The following CNNM1 variants were observed in gnomAD, a reference collection of about 807,000 sequenced individuals.
The protein encoded by CNNM1 is metal transporter CNNM1.
CNNM1 carries 44 observed loss-of-function variants against 78.8 expected under a neutral mutation model. The observed-to-expected ratio is 0.56, with a 90% CI of 0.44 to 0.72. The LOEUF is 0.72. Ranked by LOEUF, CNNM1 falls within the 30% of genes least tolerant of loss-of-function variation. The pLI, the probability that CNNM1 is intolerant of heterozygous loss-of-function variation, is 0.00. For missense variants in CNNM1, 1,101 were observed against 1,292.2 expected (o/e 0.85, Z 2.27); for synonymous variants, 584 against 581.5 (o/e 1.00, Z -0.06).
intron 1 of CNNM1, 74 bp downstream of exon 1, chr10:99,331,034 C>T (rs914354076): frequency 2.1e-6 from 3 of 1,413,600 alleles, no homozygotes; most frequent in African/African-American, 2.9e-5. Context: ...CCACGTGAGG[C>T]TCTAGGTACC....
chr10:99,381,674 G>A lies in CNNM1; in HGVS notation c.2340+4456G>A, dbSNP rs1375639764. On this transcript the variant is annotated intron_variant, in intron 7 of 10. Coordinates refer to ENST00000356713, the MANE Select transcript of CNNM1 (RefSeq NM_020348.3). ...GGAGAATTGCTTGAACCCAGGAGGC[G>A]GAGGTTGCGGTGAGCCGAGATCGGC... 4.0e-5 allele frequency among the ~76,000 whole-genome samples: 6 copies of A among 151,676 alleles called. No individual in the cohort carries two copies. In the East Asian group the frequency reaches 5.8e-4, roughly 15 times the overall value.
At chr10:99,386,905 G>A (rs2032323664) in intron 7 of CNNM1, among the ~76,000 whole-genome samples, 1 of 152,226 alleles carries the variant, frequency 6.6e-6, no homozygotes, top group South Asian at 2.1e-4. Flanking sequence ...TGCAGTGAAG[G>A]AGGGATGAAA....
chr10:99,334,606 G>A (rs1214951656), intron 1 of CNNM1, among the ~76,000 whole-genome samples: 6 of 152,070 alleles, frequency 3.9e-5, no homozygotes, highest in African/African-American at 1.2e-4. Context: ...AGCTGAGATC[G>A]CACCACTGTA....
intron 1 of CNNM1, among the ~76,000 whole-genome samples, chr10:99,334,913 A>G (rs1336029638): frequency 6.6e-6 from 1 of 152,214 alleles, no homozygotes; most frequent in Non-Finnish European, 1.5e-5. Context: ...TTACAGATGA[A>G]GAAACTAAAG....
chr10:99,389,934 A>C (rs2032422559), intron 9 of CNNM1, among the ~76,000 whole-genome samples: 1 of 152,140 alleles, frequency 6.6e-6, no homozygotes, highest in Non-Finnish European at 1.5e-5. Flanking sequence ...AAATATACCA[A>C]GGAGACCTCC....
intron 6 of CNNM1, among the ~76,000 whole-genome samples, chr10:99,373,437 G>A (rs1194582150): frequency 6.6e-6 from 1 of 152,190 alleles, no homozygotes; most frequent in East Asian, 1.9e-4. Context: ...CTACTTTTGG[G>A]CAGGACTCTC....
intron 1 of CNNM1, among the ~76,000 whole-genome samples, chr10:99,356,508 G>A (rs56200105): frequency 4.7e-5 from 6 of 126,408 alleles, no homozygotes; most frequent in Non-Finnish European, 1.7e-5. Flanking sequence ...GAGAGAGAGA[G>A]AGAAAGAGAA....
rs781664354 is a variant in CNNM1, at chr10:99,330,319, G to C, written c.932G>C (p.Gly311Ala). The change falls in exon 1 of 11, where the codon GGC (glycine) becomes GCC (alanine). Residue 311 changes from glycine (G) to alanine (A), a missense_variant. Gly to Ala is a moderately conservative substitution (Grantham distance 60, BLOSUM62 0). Transcript: ENST00000356713. ...LYTSLPPGFG[G>A]TGEDYSEEGI... ...ACCTCGCTGCCGCCGGGCTTCGGGG[G>C]CACCGGGGAAGACTACAGCGAAGAG... The C allele has an allele frequency of 1.2e-5, 19 of 1,594,956 alleles. No homozygotes were observed. The African/African-American group carries it at 1.5e-4, about 12-fold the overall frequency.
At chr10:99,381,976 C>T (rs4130309) in intron 7 of CNNM1, among the ~76,000 whole-genome samples, 9 of 152,002 alleles carry the variant, frequency 5.9e-5, no homozygotes, top group Non-Finnish European at 1.3e-4. Flanking sequence ...CATTTATCTA[C>T]TTCCCTCACC....
At chr10:99,377,248 C>G in intron 7 of CNNM1, 30 bp downstream of exon 7, 1 of 1,607,354 alleles carries the variant, frequency 6.2e-7, no homozygotes. Context: ...TATCCTCTCC[C>G]TCCCAGTGGG....
At chr10:99,351,409 G>A (rs1417155953) in intron 1 of CNNM1, among the ~76,000 whole-genome samples, 3 of 152,208 alleles carry the variant, frequency 2.0e-5, no homozygotes, top group Non-Finnish European at 1.5e-5. Context: ...AGGAAGTAAA[G>A]GTAGAAATGG....
intron 1 of CNNM1, among the ~76,000 whole-genome samples, chr10:99,356,323 A>C (rs1026688445): frequency 3.3e-5 from 5 of 151,816 alleles, no homozygotes; most frequent in African/African-American, 1.2e-4. Flanking sequence ...TAAACATACA[A>C]AAATTAGCTG....
Position 99,329,561 on chromosome 10 carries a change from G to A in CNNM1, c.174G>A (p.Glu58=), listed in dbSNP as rs1466410526. 16 of 1,530,226 alleles carry A rather than the reference G, an allele frequency of 1.0e-5. No homozygotes were observed. Among genetic ancestry groups the A allele is most frequent in the Non-Finnish European group, 1.4e-5 (16 of 1,150,428 alleles). 94.8% of individuals were successfully genotyped at this position (1,530,226 alleles called of 1,614,324 possible). The part of the protein sequence containing the change: ...EDTAGGRVSL[E]GGTLRAAEGT... ...CTGCTGGAGGCCGCGTGTCCCTGGA[G>A]GGGGGCACCCTGCGCGCCGCCGAAG... is the stretch of plus-strand genomic sequence containing the variant. The change falls in exon 1 of 11, where the codon GAG becomes GAA. Residue 58 remains glutamate (E), a synonymous_variant. Coordinates refer to ENST00000356713, the MANE Select transcript of CNNM1 (RefSeq NM_020348.3).
chr10:99,329,542 G>C lies in CNNM1; in HGVS notation c.155G>C (p.Gly52Ala), dbSNP rs551214160. ...LLGLRPEDTA[G>A]GRVSLEGGTL... ...GGCCTGCGGCCCGAGGACACTGCTG[G>C]AGGCCGCGTGTCCCTGGAGGGGGGC... Residue 52 changes from glycine (G) to alanine (A), a missense_variant, in exon 1 of 11, where the codon GGA becomes GCA. By Grantham distance (60) the Gly-to-Ala change is moderately conservative. This residue lies in a region of CNNM1 where 476 missense variants were observed against 484.5 expected (regional missense o/e 0.98). Transcript: ENST00000356713. 74 of 1,518,452 alleles carry C rather than the reference G, an allele frequency of 4.9e-5. No homozygotes were observed. The East Asian group carries it at 1.9e-3, about 39-fold the overall frequency. 94.1% of individuals were successfully genotyped at this position (1,518,452 alleles called of 1,614,324 possible). A position where few individuals can be genotyped will look rare whatever the true frequency, so the allele number is the denominator to read the frequency against.
intron 1 of CNNM1, among the ~76,000 whole-genome samples, chr10:99,357,182 G>C (rs1158456974): frequency 2.0e-5 from 3 of 152,106 alleles, no homozygotes; most frequent in Non-Finnish European, 4.4e-5. Flanking sequence ...CCATAATTCT[G>C]ACTCTAAATT....
At chr10:99,350,157 G>C (rs545268051) in intron 1 of CNNM1, among the ~76,000 whole-genome samples, 43 of 152,268 alleles carry the variant, frequency 2.8e-4, no homozygotes, top group African/African-American at 9.6e-4. Context: ...ATTTCCATTG[G>C]TACCAAGTGA....
In CNNM1 at chr10:99,390,462, A is replaced by G. The variant is rs200394516; in HGVS notation, c.2776+55A>G. ...AGCCACCCTGCTGATGGTTAGTAGG[A>G]AAAGCATGTTAGCATCTTCCTCTTG... On this transcript the variant is annotated intron_variant, in intron 10 of 10. Transcript: ENST00000356713. The G allele has an allele frequency of 2.4e-3, 3,026 of 1,281,540 alleles. 8 individuals are homozygous for G. Among genetic ancestry groups the G allele is most frequent in the Non-Finnish European group, 3.2e-3 (2,855 of 892,714 alleles). 79.4% of individuals were successfully genotyped at this position (1,281,540 alleles called of 1,614,324 possible). A position where few individuals can be genotyped will look rare whatever the true frequency, so the allele number is the denominator to read the frequency against.
intron 2 of CNNM1, among the ~76,000 whole-genome samples, chr10:99,359,603 C>T (rs1429537305): frequency 2.0e-5 from 3 of 152,106 alleles, no homozygotes; most frequent in African/African-American, 4.8e-5. Context: ...AGAGCTGCAC[C>T]GGCAGGAGGG....
chr10:99,341,047 C>T (rs987019399), intron 1 of CNNM1, among the ~76,000 whole-genome samples: 6 of 152,002 alleles, frequency 3.9e-5, no homozygotes, highest in Admixed American at 3.3e-4. Context: ...TACAAATTGT[C>T]CTAAGTGAGT....
Sources: allele counts gnomAD v4.1 joint callset (sites outside exome capture counted in the v4.1 genomes callset), GRCh38; gene constraint gnomAD v4.1.1; regional missense constraint gnomAD v4.1.1; transcripts MANE v1.5; gene names NCBI Gene and HGNC (gene_info 2026-07-23, HGNC 2026-07-21).